Variants in RNF220 observed in about 807,000 individuals in gnomAD.
RNF220 encodes E3 ubiquitin-protein ligase RNF220.
RNF220 carries 7 observed loss-of-function variants against 67.1 expected under a neutral mutation model. That is an observed-to-expected ratio of 0.10 (90% CI 0.06 to 0.20). The LOEUF (loss-of-function observed/expected upper bound fraction) is 0.20. Among genes scored for constraint, RNF220 ranks in the 10% least tolerant of loss-of-function variants. The probability of loss-of-function intolerance (pLI) is 1.00; values close to 1 mark genes in which losing one functional copy is unlikely to be tolerated. For synonymous variants in RNF220, 270 were observed against 283.2 expected (o/e 0.95, Z 0.47); for missense variants, 565 against 740.3 (o/e 0.76, Z 2.75).
intron 2 of RNF220, among the ~76,000 whole-genome samples, chr1:44,613,431 G>T (rs1643402836): frequency 6.6e-6 from 1 of 152,230 alleles, no homozygotes; most frequent in African/African-American, 2.4e-5. Context: ...AGCATTGTGT[G>T]TCTCCACAAG....
chr1:44,407,004 C>T (rs904558958), intron 1 of RNF220, among the ~76,000 whole-genome samples: 2 of 152,212 alleles, frequency 1.3e-5, no homozygotes, highest in Non-Finnish European at 2.9e-5. Context: ...TTAAGCACAC[C>T]CTGCATTCTC....
At chr1:44,496,162 A>G (rs1216630122) in intron 2 of RNF220, among the ~76,000 whole-genome samples, 1 of 152,192 alleles carries the variant, frequency 6.6e-6, no homozygotes, top group Non-Finnish European at 1.5e-5. Flanking sequence ...TGGGGTGGAC[A>G]GGGGGACCAT....
intron 3 of RNF220, among the ~76,000 whole-genome samples, chr1:44,616,490 A>C (rs978049968): frequency 1.3e-5 from 2 of 152,194 alleles, no homozygotes; most frequent in African/African-American, 4.8e-5. Context: ...CAGAGGAGTT[A>C]AGTGACATCT....
intron 2 of RNF220, among the ~76,000 whole-genome samples, chr1:44,478,565 T>C (rs189749401): frequency 6.6e-6 from 1 of 151,786 alleles, no homozygotes; most frequent in African/African-American, 2.4e-5. Flanking sequence ...CTACTAAAAA[T>C]ACAAAAATTA....
chr1:44,468,242 C>T (rs970505725), intron 2 of RNF220, among the ~76,000 whole-genome samples: 7 of 151,888 alleles, frequency 4.6e-5, no homozygotes, highest in Non-Finnish European at 1.0e-4. Flanking sequence ...ATGCCTGTAC[C>T]GGTGAAAGGT....
At position 44,622,638 on chromosome 1, in the gene RNF220, G is replaced by A; in HGVS notation, c.759-104G>A. On this transcript the variant is annotated intron_variant, in intron 3 of 14. Coordinates refer to ENST00000361799, the MANE Select transcript of RNF220 (RefSeq NM_018150.4). The surrounding 1 kb of genome is among the most constrained non-coding windows in gnomAD (Gnocchi z 4.3). Reference sequence around the variant, plus strand: ...AGCTTGGCTGAGCTGGGCTGGGCTAGGCGGTCTATGCCTTCTCTGTCTTTG... The same window carrying A: ...AGCTTGGCTGAGCTGGGCTGGGCTAAGCGGTCTATGCCTTCTCTGTCTTTG... 3 of 1,004,630 alleles carry A rather than the reference G, an allele frequency of 3.0e-6. No individual in the cohort carries two copies. In the South Asian group the frequency reaches 4.1e-5, roughly 14 times the overall value. The allele number at this position is 1,004,630 out of a possible 1,614,324, so 62.2% of individuals were successfully genotyped here.
At chr1:44,542,140 C>T (rs532269288) in intron 2 of RNF220, among the ~76,000 whole-genome samples, 11 of 152,330 alleles carry the variant, frequency 7.2e-5, no homozygotes, top group African/African-American at 2.6e-4. Flanking sequence ...GGGCCAAGAA[C>T]AGAGGGGGTA....
At chr1:44,628,000 GCTCT>G (rs1271760260) in intron 5 of RNF220, among the ~76,000 whole-genome samples, 3 of 152,222 alleles carry the variant, frequency 2.0e-5, no homozygotes, top group South Asian at 2.1e-4. Context: ...AGGGATCCCT[GCTCT>G]CTCTAAGGGA....
At chr1:44,559,018 C>T (rs1022025174) in intron 2 of RNF220, among the ~76,000 whole-genome samples, 1 of 152,208 alleles carries the variant, frequency 6.6e-6, no homozygotes, top group African/African-American at 2.4e-5. Flanking sequence ...GAAGGCAACT[C>T]CGTGAGGGCA....
At chr1:44,469,487 C>G (rs575250509) in intron 2 of RNF220, among the ~76,000 whole-genome samples, 1 of 152,166 alleles carries the variant, frequency 6.6e-6, no homozygotes, top group African/African-American at 2.4e-5. Flanking sequence ...AAACCTCCCC[C>G]CTAATACATT....
intron 1 of RNF220, among the ~76,000 whole-genome samples, 158 bp downstream of exon 1, chr1:44,405,688 C>T (rs1647263048): frequency 6.6e-6 from 1 of 152,178 alleles, no homozygotes; most frequent in African/African-American, 2.4e-5. Context: ...GGGACTCGGA[C>T]TGGCGCGTCT....
chr1:44,650,946 C>T lies in RNF220; in HGVS notation c.*171C>T. On this transcript the variant is annotated 3_prime_UTR_variant, in exon 15 of 15. Transcript: ENST00000361799. The surrounding 1 kb of genome is among the most constrained non-coding windows in gnomAD (Gnocchi z 4.3). The stretch of plus-strand genomic sequence containing the variant: ...CATTTACACACGCAGGACTCTGGAG[C>T]CAGAGTAGAGGCTGTGGCCCAGGCA... The T allele has an allele frequency of 1.5e-6, 1 of 647,056 alleles. No homozygotes were observed. The highest frequency in any genetic ancestry group is 2.9e-5 in the East Asian group (1 of 34,716). The allele number at this position is 647,056 out of a possible 1,614,324, so 40.1% of individuals were successfully genotyped here. A position where few individuals can be genotyped will look rare whatever the true frequency, so the allele number is the denominator to read the frequency against.
intron 2 of RNF220, among the ~76,000 whole-genome samples, chr1:44,454,679 A>T (rs573140267): frequency 6.6e-6 from 1 of 150,392 alleles, no homozygotes; most frequent in South Asian, 2.1e-4. Flanking sequence ...AGTCAGATTT[A>T]TTGAGGTATA....
intron 2 of RNF220, among the ~76,000 whole-genome samples, chr1:44,464,887 T>A (rs1009909226): frequency 6.6e-6 from 1 of 152,244 alleles, no homozygotes; most frequent in Non-Finnish European, 1.5e-5. Context: ...AGCTGCCAGC[T>A]ATTATCCGTA....
intron 2 of RNF220, among the ~76,000 whole-genome samples, chr1:44,528,675 C>A (rs781353931): frequency 2.0e-5 from 3 of 147,946 alleles, no homozygotes; most frequent in Non-Finnish European, 3.0e-5. Context: ...AGTGCAATGG[C>A]ACAATTTTGG....
intron 2 of RNF220, among the ~76,000 whole-genome samples, chr1:44,422,335 TA>T (rs997235420): frequency 2.6e-4 from 38 of 147,708 alleles, no homozygotes; most frequent in Admixed American, 4.0e-4. Flanking sequence ...GCAGTAAAAT[TA>T]AAAAAAAAAA....
chr1:44,595,993 T>C (rs970872618), intron 2 of RNF220, among the ~76,000 whole-genome samples: 4 of 152,168 alleles, frequency 2.6e-5, no homozygotes, highest in Non-Finnish European at 4.4e-5. Context: ...CTCGATCTCC[T>C]GACCTCATGA....
chr1:44,645,311 GA>G lies in RNF220; in HGVS notation c.1366+36del. ...GCCCCAGGTTAGGAGTAATGGGGGA[GA>G]GGGGGTATCCCTAGATGGTGGTGAC... On this transcript the variant is annotated intron_variant, in intron 11 of 14. Coordinates refer to ENST00000361799, the MANE Select transcript of RNF220 (RefSeq NM_018150.4). This position sits in a 1 kb window ranked among gnomAD's most constrained non-coding sequence, Gnocchi z 5.0. The G allele has an allele frequency of 1.2e-6, 2 of 1,613,786 alleles. No individual in the cohort carries two copies. The highest frequency in any genetic ancestry group is 2.2e-5 in the East Asian group (1 of 44,868).
chr1:44,461,876 T>C (rs1045084956), intron 2 of RNF220, among the ~76,000 whole-genome samples: 1 of 152,030 alleles, frequency 6.6e-6, no homozygotes, highest in Non-Finnish European at 1.5e-5. Context: ...CTTAATGCAG[T>C]GTATACAATT....
Sources: gnomAD v4.1 joint callset for allele counts (sites outside exome capture counted in the v4.1 genomes callset) on GRCh38, gnomAD v4.1.1 for gene constraint, Gnocchi (gnomAD v3.1) non-coding constraint, MANE v1.5 for transcripts, NCBI Gene and HGNC (gene_info 2026-07-23, HGNC 2026-07-21) for gene names.